The following BBS9 variants were observed in gnomAD, a reference collection of about 807,000 sequenced individuals.
BBS9 encodes Bardet-Biedl syndrome 9.
Under a neutral mutation model 117.7 loss-of-function variants are expected in BBS9, and 89 were observed. That is an observed-to-expected ratio of 0.76 (90% CI 0.64 to 0.90). The LOEUF is 0.90. Among genes scored for constraint, BBS9 ranks in the 40% least tolerant of loss-of-function variants. BBS9 has a pLI of 0.00. For synonymous variants in BBS9, 379 were observed against 370.9 expected, an observed-to-expected ratio of 1.02 and a Z score of -0.25; for missense variants, 982 against 1,042.2, an observed-to-expected ratio of 0.94 and a Z score of 0.80.
rs764011944 is a variant in BBS9 at position 33,224,218 on chromosome 7, ATGT to A, written c.443-33014_443-33012del. On this transcript the variant is annotated intron_variant, in intron 5 of 22. Transcript: ENST00000242067. ...GCTATCTTATTTAATCGCCAAAACAATGTTGTCAGGTCAGTGCAATTAGCCTCA... is the reference window on the plus strand; with the variant it reads ...GCTATCTTATTTAATCGCCAAAACAATGTCAGGTCAGTGCAATTAGCCTCA... Among the ~76,000 whole-genome samples the A allele has an allele frequency of 1.0e-3, 155 of 152,296 alleles. 3 individuals carry two copies. The highest frequency in any genetic ancestry group is 6.9e-4 in the Non-Finnish European group (47 of 68,014).
At chr7:33,231,428 CTTT>C (rs35407590) in intron 5 of BBS9, among the ~76,000 whole-genome samples, 11 of 106,368 alleles carry the variant, frequency 1.0e-4, no homozygotes, top group African/African-American at 1.8e-4. Context: ...GCCTATGTGT[CTTT>C]TTTTTTTTTT....
At chr7:33,277,694 G>T (rs1032576107) in intron 9 of BBS9, among the ~76,000 whole-genome samples, 2 of 152,088 alleles carry the variant, frequency 1.3e-5, no homozygotes, top group African/African-American at 2.4e-5. Flanking sequence ...TTTGGAAGGT[G>T]CAATCATAGG....
chr7:33,419,293 G>A (rs981154981), intron 19 of BBS9, among the ~76,000 whole-genome samples: 7 of 151,996 alleles, frequency 4.6e-5, no homozygotes, highest in African/African-American at 1.4e-4. Context: ...AATTAAAATT[G>A]TATATCAATA....
intron 19 of BBS9, among the ~76,000 whole-genome samples, chr7:33,452,888 C>T (rs181166719): frequency 1.3e-5 from 2 of 152,294 alleles, no homozygotes. Context: ...TCTGTAATTT[C>T]TTCTGGCTGA....
intron 5 of BBS9, among the ~76,000 whole-genome samples, chr7:33,181,131 A>G (rs779425813): frequency 5.3e-5 from 8 of 152,264 alleles, no homozygotes; most frequent in East Asian, 1.9e-4. Flanking sequence ...GGATCCTGTC[A>G]TAGGATTTGT....
chr7:33,375,327 C>T (rs985737795), intron 17 of BBS9, among the ~76,000 whole-genome samples: 2 of 152,026 alleles, frequency 1.3e-5, no homozygotes, highest in South Asian at 2.1e-4. Flanking sequence ...TTCAAGGGCA[C>T]GTTTTAAAAT....
chr7:33,432,344 C>T (rs189946065), intron 19 of BBS9, among the ~76,000 whole-genome samples: 49 of 151,636 alleles, frequency 3.2e-4, no homozygotes, highest in African/African-American at 1.0e-3. Flanking sequence ...CTCCTGACCT[C>T]GTGATCCGCC....
At chr7:33,150,975 AC>A (rs1793216992) in intron 2 of BBS9, among the ~76,000 whole-genome samples, 1 of 152,202 alleles carries the variant, frequency 6.6e-6, no homozygotes, top group Admixed American at 6.5e-5. Context: ...ACTGTTTTGT[AC>A]CGCATTTCAG....
intron 11 of BBS9, among the ~76,000 whole-genome samples, chr7:33,344,201 C>T (rs1196298320): frequency 6.6e-6 from 1 of 150,738 alleles, no homozygotes; most frequent in African/African-American, 2.4e-5. Context: ...CCTGCCTCAG[C>T]CTCCCGAGTA....
intron 21 of BBS9, among the ~76,000 whole-genome samples, chr7:33,632,745 T>G (rs1427817835): frequency 6.6e-6 from 1 of 152,074 alleles, no homozygotes; most frequent in African/African-American, 2.4e-5. Context: ...GTGTGTTGGC[T>G]TTAATGTACA....
At chr7:33,385,053 C>T (rs970357303) in intron 18 of BBS9, among the ~76,000 whole-genome samples, 4 of 152,032 alleles carry the variant, frequency 2.6e-5, no homozygotes, top group African/African-American at 9.7e-5. Context: ...ATTCTTGCTT[C>T]GCTGTTGGAA....
intron 5 of BBS9, among the ~76,000 whole-genome samples, chr7:33,183,814 G>GT (rs150750177): frequency 0.015 from 2,211 of 151,484 alleles, 52 homozygotes; most frequent in African/African-American, 0.05. Flanking sequence ...ACCTCATTCA[G>GT]TTTTTTTTTG....
intron 19 of BBS9, among the ~76,000 whole-genome samples, chr7:33,442,669 C>T (rs2128899946): frequency 6.6e-6 from 1 of 152,292 alleles, no homozygotes; most frequent in East Asian, 1.9e-4. Flanking sequence ...CACAAATCAA[C>T]AGTGATGATG....
At chr7:33,351,379 T>A in intron 14 of BBS9, 56 bp downstream of exon 14, 2 of 1,137,490 alleles carry the variant, frequency 1.8e-6, no homozygotes, top group Non-Finnish European at 2.7e-6. Context: ...AGTAAAATGC[T>A]TATGCATTTA....
At chr7:33,545,924 C>CCT (rs1853266353) in intron 21 of BBS9, among the ~76,000 whole-genome samples, 2 of 64,580 alleles carry the variant, frequency 3.1e-5, no homozygotes, top group Non-Finnish European at 5.6e-5. Context: ...CTTTATAATC[C>CCT]TTTTTTTTTT....
In BBS9 at chr7:33,398,115, C is replaced by T. The variant is rs188562467; in HGVS notation, c.2115+9971C>T. ...AGCTGACAATTCTCTATGCCTGGTACGGCACTATCTAATAGATAGCCACAT... is the reference window on the plus strand; with the variant it reads ...AGCTGACAATTCTCTATGCCTGGTATGGCACTATCTAATAGATAGCCACAT... On this transcript the variant is annotated intron_variant, in intron 19 of 22. Coordinates refer to ENST00000242067, the MANE Select transcript of BBS9 (RefSeq NM_198428.3). 4.1e-4 allele frequency among the ~76,000 whole-genome samples: 63 copies of T among 152,240 alleles called. 1 individual carries two copies. The East Asian group carries it at 4.4e-3, about 11-fold the overall frequency.
chr7:33,352,391 A>G (rs901788706), intron 14 of BBS9, among the ~76,000 whole-genome samples: 6 of 152,206 alleles, frequency 3.9e-5, no homozygotes, highest in South Asian at 2.1e-4. Flanking sequence ...CAGAATGCCA[A>G]GAGAAGCAAA....
At chr7:33,239,001 A>G (rs1229404736) in intron 5 of BBS9, among the ~76,000 whole-genome samples, 1 of 152,170 alleles carries the variant, frequency 6.6e-6, no homozygotes, top group Non-Finnish European at 1.5e-5. Flanking sequence ...TTAGAATCAA[A>G]TCCCAGGACT....
At chr7:33,218,515 G>T (rs1327548954) in intron 5 of BBS9, among the ~76,000 whole-genome samples, 3 of 152,206 alleles carry the variant, frequency 2.0e-5, no homozygotes. Flanking sequence ...AACTGAACTG[G>T]CCAAGCCAGA....
Sources: allele counts gnomAD v4.1 joint callset (sites outside exome capture counted in the v4.1 genomes callset), GRCh38; gene constraint gnomAD v4.1.1; transcripts MANE v1.5; gene names NCBI Gene and HGNC (gene_info 2026-07-23, HGNC 2026-07-21).